GRM6: variants seen among roughly 807,000 people sequenced by gnomAD.
GRM6 encodes the protein metabotropic glutamate receptor 6.
A neutral mutation model predicts 78.4 loss-of-function variants in GRM6; 73 were observed. The observed-to-expected ratio is 0.93, with a 90% confidence interval of 0.77 to 1.13. The LOEUF (loss-of-function observed/expected upper bound fraction) is 1.13, where lower values mean the gene tolerates loss of function less well. Ranked by LOEUF, GRM6 falls within the 50% of genes most tolerant of loss-of-function variation. The probability of loss-of-function intolerance (pLI) is 0.00; values close to 1 mark genes in which losing one functional copy is unlikely to be tolerated. For synonymous variants in GRM6, 580 were observed against 555.0 expected (o/e 1.05, Z -0.63); for missense variants, 1,251 against 1,256.4 (o/e 1.00, Z 0.07).
intron 9 of GRM6, chr5:178,985,633 G>C (rs1160745449): frequency 2.7e-6 from 1 of 373,932 alleles, no homozygotes; most frequent in Non-Finnish European, 5.2e-6. Flanking sequence ...AACCCGGAAG[G>C]CAGAGCTTGC....
Position 178,994,680 on chromosome 5 carries a change from C to T in GRM6, c.265G>A (p.Val89Met), listed in dbSNP as rs1274150127. 4 of 1,468,600 alleles carry T rather than the reference C, an allele frequency of 2.7e-6. No homozygotes were observed. The highest frequency in any genetic ancestry group is 1.5e-5 in the African/African-American group (1 of 68,208). The allele number at this position is 1,468,600 out of a possible 1,614,324, so 91.0% of individuals were successfully genotyped here. Reference protein sequence around the residue: ...VNADPELLPGVRLGARLLDTC... With the variant: ...VNADPELLPGMRLGARLLDTC... Reference sequence around the variant, plus strand: ...TCCAGCAGCCGCGCGCCCAGGCGCACGCCGGGCAGCAGCTCGGGGTCGGCG... The same window carrying T: ...TCCAGCAGCCGCGCGCCCAGGCGCATGCCGGGCAGCAGCTCGGGGTCGGCG... Residue 89 changes from valine to methionine, a missense_variant, in exon 2 of 11, where the codon GTG (valine) becomes ATG (methionine). Transcript: ENST00000517717.
At chr5:178,984,708 C>T (rs1760473610) in intron 9 of GRM6, among the ~76,000 whole-genome samples, 1 of 152,088 alleles carries the variant, frequency 6.6e-6, no homozygotes, top group Middle Eastern at 3.2e-3. Context: ...ACACTCAGGC[C>T]CTGTTACGTG....
chr5:178,981,459 C>G lies in GRM6; in HGVS notation c.*198G>C, dbSNP rs909169118. ...GCGAGTCTGGTCTGTGGTGAGGAAG[C>G]ATGAAGCTCACATGCTGGAATCGGG... On this transcript the variant is annotated 3_prime_UTR_variant, in exon 11 of 11. Coordinates refer to ENST00000517717, the MANE Select transcript of GRM6 (RefSeq NM_000843.4). The surrounding 1 kb of genome is among the most constrained non-coding windows in gnomAD (Gnocchi z 5.1). 2 of 586,998 alleles carry G rather than the reference C, an allele frequency of 3.4e-6. No individual in the cohort carries two copies. The highest frequency in any genetic ancestry group is 1.9e-5 in the African/African-American group (1 of 53,574). 36.4% of individuals were successfully genotyped at this position (586,998 alleles called of 1,614,324 possible).
rs1468825027 is a variant in GRM6, at chr5:178,990,729, G to A, written c.875C>T (p.Ala292Val). ...EDDIRRVLEAARQANLTGHFL... is the reference protein window; with the variant it reads ...EDDIRRVLEAVRQANLTGHFL... ...GTGGCCGGTCAGGTTGGCCTGGCGA[G>A]CTGCCTCCAGGACCCGCCTGGTAGG... The change falls in exon 5 of 11, where the codon GCT (alanine) becomes GTT (valine). Residue 292 changes from alanine (A) to valine (V), a missense_variant. By Grantham distance (64) the Ala-to-Val change is moderately conservative (BLOSUM62 0). Transcript: ENST00000517717. 1 of 1,573,190 alleles carries A rather than the reference G, an allele frequency of 6.4e-7. No individual in the cohort carries two copies.
In GRM6 at chr5:178,994,965, G is replaced by T; in HGVS notation, c.-16-5C>A. 8.6e-7 allele frequency: 1 copy of T among 1,157,624 alleles called. No individual in the cohort carries two copies. The highest frequency in any genetic ancestry group is 4.0e-5 in the East Asian group (1 of 25,276). The allele number at this position is 1,157,624 out of a possible 1,614,324, so 71.7% of individuals were successfully genotyped here. A position where few individuals can be genotyped will look rare whatever the true frequency, so the allele number is the denominator to read the frequency against. On this transcript the variant is annotated splice_polypyrimidine_tract_variant and splice_region_variant and intron_variant, in intron 1 of 10. Transcript: ENST00000517717. ...GCCATCGGCTCGTCTAGCGGGCTGCGGGGAGACAGAGGGGCGGGGAGCGCT... is the reference window on the plus strand; with the variant it reads ...GCCATCGGCTCGTCTAGCGGGCTGCTGGGAGACAGAGGGGCGGGGAGCGCT...
chr5:178,985,702 A>G (rs778082067), intron 9 of GRM6: 4 of 198,440 alleles, frequency 2.0e-5, no homozygotes, highest in Middle Eastern at 5.4e-4. Context: ...GACTCTGTCT[A>G]AAAAAAAAAA....
In GRM6 at chr5:178,988,892, C is replaced by G. The variant is rs1760615179; in HGVS notation, c.1354+43G>C. 1.3e-6 allele frequency: 2 copies of G among 1,534,158 alleles called. No individual in the cohort carries two copies. The highest frequency in any genetic ancestry group is 1.7e-5 in the Admixed American group (1 of 58,722). ...AGGCCTCACAGCAAAATCCAGCCCC[C>G]CAGCTGTCCTTCACTGCTGCAGGGG... On this transcript the variant is annotated intron_variant, in intron 7 of 10. Coordinates refer to ENST00000517717, the MANE Select transcript of GRM6 (RefSeq NM_000843.4). This position sits in a 1 kb window ranked among gnomAD's most constrained non-coding sequence, Gnocchi z 6.0.
At position 178,983,044 on chromosome 5, in the gene GRM6, A is replaced by G. The variant is rs755502463; in HGVS notation, c.2302T>C (p.Tyr768His). ...GGCACGCCACGGGCCTTGATGGCGTACACTGTGCACGTGACCATGAGCAGG... is the reference window on the plus strand; with the variant it reads ...GGCACGCCACGGGCCTTGATGGCGTGCACTGTGCACGTGACCATGAGCAGG... ...SLLLMVTCTV[Y>H]AIKARGVPET... The change falls in exon 10 of 11, where the codon TAC (tyrosine) becomes CAC (histidine). Residue 768 changes from tyrosine (Y) to histidine (H), a missense_variant. Transcript: ENST00000517717. The G allele has an allele frequency of 6.2e-7, 1 of 1,614,168 alleles. No homozygotes were observed. Among genetic ancestry groups the G allele is most frequent in the East Asian group, 2.2e-5 (1 of 44,880 alleles).
chr5:178,990,812 TC>T, intron 4 of GRM6, 66 bp from the exon 5 acceptor site: 1 of 1,274,560 alleles, frequency 7.8e-7, no homozygotes. Context: ...CCCCATCCCT[TC>T]CCACTCTATC....
chr5:178,987,205 G>A (rs973710589), intron 7 of GRM6: 64 of 681,670 alleles, frequency 9.4e-5, no homozygotes, highest in African/African-American at 4.9e-4. Flanking sequence ...TGGAGAAGTC[G>A]GAACCCTTGT....
chr5:178,990,451 A>G (rs1760649673), intron 5 of GRM6, 141 bp downstream of exon 5: 5 of 767,782 alleles, frequency 6.5e-6, no homozygotes, highest in South Asian at 1.5e-5. Context: ...GCGTCCACAG[A>G]TGATCGGACT....
At chr5:178,985,584 T>A (rs1402498970) in intron 9 of GRM6, 24 of 348,134 alleles carry the variant, frequency 6.9e-5, no homozygotes, top group Middle Eastern at 8.5e-4. Flanking sequence ...GCGCCTGTAG[T>A]CCCAGCTACT....
In GRM6 at chr5:178,991,522, C is replaced by G. The variant is rs767267258; in HGVS notation, c.759G>C (p.Arg253Ser). ...TGCTGAACTCTCCTGGCTTTGGTTC[C>G]CTGGGAATCTTGATAGACTGGGCAA... ...VCIAQSIKIP[R>S]EPKPGEFSKV... The change falls in exon 4 of 11, where the codon AGG becomes AGC. Residue 253 changes from arginine to serine, a missense_variant. By Grantham distance (110) the Arg-to-Ser change is moderately radical. Transcript: ENST00000517717. The surrounding 1 kb of genome is among the most constrained non-coding windows in gnomAD (Gnocchi z 5.0). 4 of 1,613,760 alleles carry G rather than the reference C, an allele frequency of 2.5e-6. No homozygotes were observed. The highest frequency in any genetic ancestry group is 2.2e-5 in the East Asian group (1 of 44,850).
At chr5:178,989,211 ACCCTCACC>A in intron 6 of GRM6, 46 bp downstream of exon 6, 2 of 121,738 alleles carry the variant, frequency 1.6e-5, no homozygotes, top group Non-Finnish European at 2.6e-5. Context: ...CCCCCTCCCC[ACCCTCACC>A]ACCCTCCCCA....
rs1395811196 is a variant in GRM6, at chr5:178,978,414, A to G, written c.*3243T>C. On this transcript the variant is annotated 3_prime_UTR_variant, in exon 11 of 11. Transcript: ENST00000517717. ...TTTACAGTAAGCAATGAATGTAATA[A>G]ATTAAAGGGAAATTTCTAAAGAGCA... The G allele has an allele frequency of 6.6e-6, 1 of 152,234 alleles. No individual in the cohort carries two copies. The highest frequency in any genetic ancestry group is 6.5e-5 in the Admixed American group (1 of 15,288). The allele number at this position is 152,234 out of a possible 1,614,324, so 9.4% of individuals were successfully genotyped here. A position where few individuals can be genotyped will look rare whatever the true frequency, so the allele number is the denominator to read the frequency against.
chr5:178,985,301 C>T (rs1271171437), intron 9 of GRM6: 2 of 455,624 alleles, frequency 4.4e-6, no homozygotes, highest in African/African-American at 2.0e-5. Context: ...GCCCACACTC[C>T]CCACCTGACT....
At chr5:178,994,236 G>A (rs534812261) in intron 2 of GRM6, among the ~76,000 whole-genome samples, 54 of 152,254 alleles carry the variant, frequency 3.5e-4, no homozygotes, top group African/African-American at 1.3e-3. Flanking sequence ...GCGGGGCGGG[G>A]TAGACATGGG....
In GRM6 at chr5:178,994,676, C is replaced by A; in HGVS notation, c.269G>T (p.Arg90Leu). 1.4e-6 allele frequency: 2 copies of A among 1,468,310 alleles called. No individual in the cohort carries two copies. The highest frequency in any genetic ancestry group is 2.6e-5 in the South Asian group (2 of 78,400). 91.0% of individuals were successfully genotyped at this position (1,468,310 alleles called of 1,614,324 possible). ...GGTGTCCAGCAGCCGCGCGCCCAGG[C>A]GCACGCCGGGCAGCAGCTCGGGGTC... is the stretch of plus-strand genomic sequence containing the variant. ...NADPELLPGV[R>L]LGARLLDTCS... Residue 90 changes from arginine (R) to leucine (L), a missense_variant, in exon 2 of 11, where the codon CGC becomes CTC. Physicochemically the swap from Arg to Leu is moderately radical, Grantham distance 102 (BLOSUM62 -2). Transcript: ENST00000517717.
intron 9 of GRM6, chr5:178,985,507 T>G (rs565994418): frequency 3.8e-5 from 13 of 338,572 alleles, no homozygotes; most frequent in Non-Finnish European, 5.2e-5. Flanking sequence ...ATCGAGACCA[T>G]CCTGGCTAAC....
Sources: allele counts gnomAD v4.1 joint callset (sites outside exome capture counted in the v4.1 genomes callset), GRCh38; gene constraint gnomAD v4.1.1; non-coding constraint Gnocchi (gnomAD v3.1); transcripts MANE v1.5; gene names NCBI Gene and HGNC (gene_info 2026-07-23, HGNC 2026-07-21).